CAMK1G: variants seen among roughly 807,000 people sequenced by gnomAD.
The protein encoded by CAMK1G is calcium/calmodulin-dependent protein kinase type 1G.
CAMK1G carries 27 observed loss-of-function variants against 54.8 expected under a neutral mutation model. The observed-to-expected ratio is 0.49, with a 90% CI of 0.36 to 0.68. CAMK1G has a LOEUF of 0.68. CAMK1G is among the 30% of genes least tolerant of loss of function. The probability of loss-of-function intolerance (pLI) is 0.00; values close to 1 mark genes in which losing one functional copy is unlikely to be tolerated. For synonymous variants in CAMK1G, 238 were observed against 224.9 expected (o/e 1.06, Z -0.52); for missense variants, 512 against 591.0 (o/e 0.87, Z 1.39).
In CAMK1G at chr1:209,587,667, G is replaced by A. The variant is rs116783182; in HGVS notation, c.-30+3895G>A. The stretch of plus-strand genomic sequence containing the variant: ...GAGAGGAGGATGGAAACTCAGGGAT[G>A]TATGGTGATCTGCCTGGGGCTGCAC... On this transcript the variant is annotated intron_variant, in intron 1 of 12. Transcript: ENST00000361322. Among the ~76,000 whole-genome samples the A allele has an allele frequency of 2.3e-3, 353 of 152,202 alleles. 2 individuals are homozygous for A. Among genetic ancestry groups the A allele is most frequent in the African/African-American group, 7.9e-3 (327 of 41,540 alleles).
At chr1:209,609,723 C>T in intron 8 of CAMK1G, 128 bp from the exon 9 acceptor site, 1 of 875,922 alleles carries the variant, frequency 1.1e-6, no homozygotes, top group Non-Finnish European at 1.9e-6. Flanking sequence ...TCTTCTAAGA[C>T]TCTTAAAATT....
chr1:209,587,616 T>A lies in CAMK1G; in HGVS notation c.-30+3844T>A, dbSNP rs540111804. ...AAAAGCAAACTTCAGGGAACTTTAA[T>A]CTAGTCCAATCTCCTCTGTTCACCA... On this transcript the variant is annotated intron_variant, in intron 1 of 12. Coordinates refer to ENST00000361322, the MANE Select transcript of CAMK1G (RefSeq NM_020439.3). 1.4e-4 allele frequency among the ~76,000 whole-genome samples: 21 copies of A among 152,118 alleles called. 2 individuals carry two copies. Among genetic ancestry groups the A allele is most frequent in the South Asian group, 8.3e-4 (4 of 4,826 alleles).
intron 11 of CAMK1G, 23 bp from the exon 12 acceptor site, chr1:209,612,762 T>C (rs1431369378): frequency 1.9e-6 from 3 of 1,605,486 alleles, no homozygotes; most frequent in Non-Finnish European, 2.6e-6. Context: ...ACTTCAAAGG[T>C]TGTTGCTTCA....
chr1:209,605,551 G>A lies in CAMK1G; in HGVS notation c.312G>A (p.Glu104=), dbSNP rs1465112434. The A allele has an allele frequency of 1.2e-6, 2 of 1,613,876 alleles. No individual in the cohort carries two copies. The highest frequency in any genetic ancestry group is 2.7e-5 in the African/African-American group (2 of 74,908). ...ATGCCCACAGTGTTTCTGGTGGGGA[G>A]CTCTTTGACCGGATCCTGGAGCGGG... ...YLVMQLVSGG[E]LFDRILERGV... The change falls in exon 5 of 13, where the codon GAG becomes GAA. Residue 104 remains glutamate, a synonymous_variant. Coordinates refer to ENST00000361322, the MANE Select transcript of CAMK1G (RefSeq NM_020439.3).
chr1:209,601,426 T>A (rs1250296578), intron 3 of CAMK1G, among the ~76,000 whole-genome samples: 1 of 152,130 alleles, frequency 6.6e-6, no homozygotes, highest in Non-Finnish European at 1.5e-5. Context: ...AAAGAGGATA[T>A]GTAGGCTTGG....
At chr1:209,591,157 C>A (rs75177843) in intron 1 of CAMK1G, among the ~76,000 whole-genome samples, 1 of 152,032 alleles carries the variant, frequency 6.6e-6, no homozygotes, top group Non-Finnish European at 1.5e-5. Flanking sequence ...CCTTGTGTAC[C>A]GTGCCCTCGA....
intron 1 of CAMK1G, among the ~76,000 whole-genome samples, chr1:209,588,494 T>C (rs750460274): frequency 1.3e-5 from 2 of 152,180 alleles, no homozygotes; most frequent in African/African-American, 2.4e-5. Context: ...AGTTTTAAGC[T>C]ATTAGCCCAG....
At chr1:209,590,993 C>T (rs1327734891) in intron 1 of CAMK1G, among the ~76,000 whole-genome samples, 1 of 151,760 alleles carries the variant, frequency 6.6e-6, no homozygotes, top group African/African-American at 2.4e-5. Context: ...AGTGAAAGTT[C>T]ATGCATTCTA....
At chr1:209,592,403 C>T (rs1297489795) in intron 1 of CAMK1G, among the ~76,000 whole-genome samples, 1 of 149,620 alleles carries the variant, frequency 6.7e-6, no homozygotes, top group Non-Finnish European at 1.5e-5. Context: ...TAGCTGCCAA[C>T]ATTAACACCA....
chr1:209,585,753 C>G (rs1038101600), intron 1 of CAMK1G, among the ~76,000 whole-genome samples: 15 of 152,380 alleles, frequency 9.8e-5, no homozygotes, highest in Admixed American at 8.5e-4. Context: ...CCCATACACA[C>G]GCACACAGGG....
At chr1:209,603,167 T>C (rs769379017) in intron 3 of CAMK1G, 47 bp from the exon 4 acceptor site, 1 of 1,602,822 alleles carries the variant, frequency 6.2e-7, no homozygotes, top group Non-Finnish European at 8.5e-7. Context: ...TATTTGTCTG[T>C]ACAACCTGAA....
chr1:209,605,308 G>T (rs1665620429), intron 4 of CAMK1G, among the ~76,000 whole-genome samples: 1 of 152,174 alleles, frequency 6.6e-6, no homozygotes, highest in Non-Finnish European at 1.5e-5. Flanking sequence ...TTTTCAGAGA[G>T]AGAGGTCAAT....
Position 209,607,866 on chromosome 1 carries a change from G to A in CAMK1G, c.568G>A (p.Val190Met), listed in dbSNP as rs1357607231. 1 of 1,613,192 alleles carries A rather than the reference G, an allele frequency of 6.2e-7. No individual in the cohort carries two copies. The highest frequency in any genetic ancestry group is 1.7e-5 in the Admixed American group (1 of 59,852). The change falls in exon 7 of 13, where the codon GTG (valine) becomes ATG (methionine). Residue 190 changes from valine to methionine, a missense_variant. Val to Met is a conservative substitution (Grantham distance 21). Transcript: ENST00000361322. ...CGTPGYVAPEVLAQKPYSKAV... is the reference protein window; with the variant it reads ...CGTPGYVAPEMLAQKPYSKAV... ...CCCTTGGTCTGCTGCAGCTCCAGAA[G>A]TGCTGGCCCAGAAACCCTACAGCAA...
chr1:209,609,031 G>T lies in CAMK1G; in HGVS notation c.687G>T (p.Glu229Asp). Reference protein sequence around the residue: ...FYEETESKLFEKIKEGYYEFE... With the variant: ...FYEETESKLFDKIKEGYYEFE... The stretch of plus-strand genomic sequence containing the variant: ...AAGAAACGGAGTCTAAGCTTTTCGA[G>T]AAGATCAAGGAGGGCTACTATGAGT... Residue 229 changes from glutamate to aspartate, a missense_variant, in exon 8 of 13, where the codon GAG becomes GAT. Physicochemically the swap from Glu to Asp is conservative, Grantham distance 45. This residue lies in a region of CAMK1G where 315 missense variants were observed against 330.5 expected (regional missense o/e 0.95). Transcript: ENST00000361322. The T allele has an allele frequency of 6.2e-7, 1 of 1,614,192 alleles. No individual in the cohort carries two copies. The highest frequency in any genetic ancestry group is 8.5e-7 in the Non-Finnish European group (1 of 1,180,024).
intron 5 of CAMK1G, 38 bp from the exon 6 acceptor site, chr1:209,606,282 G>A (rs761856421): frequency 1.2e-6 from 2 of 1,603,392 alleles, no homozygotes; most frequent in Admixed American, 1.7e-5. Context: ...CTTGCTTCAG[G>A]TGGTTATATC....
chr1:209,603,389 C>A, intron 4 of CAMK1G, 101 bp downstream of exon 4: 1 of 878,024 alleles, frequency 1.1e-6, no homozygotes, highest in South Asian at 1.4e-5. Context: ...AATTCAAAGA[C>A]AAAAATGAAG....
chr1:209,587,824 C>G (rs1268390224), intron 1 of CAMK1G, among the ~76,000 whole-genome samples: 2 of 152,222 alleles, frequency 1.3e-5, no homozygotes, highest in South Asian at 4.1e-4. Context: ...GAAAACTTCC[C>G]AACTTTTGCC....
At chr1:209,586,633 C>A (rs144815743) in intron 1 of CAMK1G, among the ~76,000 whole-genome samples, 287 of 152,212 alleles carry the variant, frequency 1.9e-3, no homozygotes, top group Middle Eastern at 0.014. Context: ...TAATGTGGAC[C>A]CACTGCATGG....
chr1:209,592,486 A>C (rs971960856), intron 1 of CAMK1G, among the ~76,000 whole-genome samples: 3 of 152,050 alleles, frequency 2.0e-5, no homozygotes, highest in Non-Finnish European at 4.4e-5. Context: ...TCTGCCCAGC[A>C]TGAGGCACTA....
Sources: gnomAD v4.1 joint callset for allele counts (sites outside exome capture counted in the v4.1 genomes callset) on GRCh38, gnomAD v4.1.1 for gene constraint, gnomAD v4.1.1 regional missense constraint, MANE v1.5 for transcripts, NCBI Gene and HGNC (gene_info 2026-07-23, HGNC 2026-07-21) for gene names.